Variants in INTS8 observed in about 807,000 individuals in gnomAD.
INTS8 encodes integrator complex subunit 8.
A neutral mutation model predicts 138.9 loss-of-function variants in INTS8; 47 were observed. The ratio of observed to expected loss-of-function variants is 0.34; its 90% CI spans 0.27 to 0.43. The LOEUF (loss-of-function observed/expected upper bound fraction) is 0.43. INTS8 is among the 20% of genes least tolerant of loss of function. The probability of loss-of-function intolerance (pLI) is 1.00; values close to 1 mark genes in which losing one functional copy is unlikely to be tolerated. For synonymous variants in INTS8, 392 were observed against 400.9 expected, an observed-to-expected ratio of 0.98 and a Z score of 0.27; for missense variants, 996 against 1,173.0, an observed-to-expected ratio of 0.85 and a Z score of 2.20.
intron 2 of INTS8, among the ~76,000 whole-genome samples, chr8:94,826,584 CTAAGTT>C (rs1276261132): frequency 6.6e-6 from 1 of 152,070 alleles, no homozygotes; most frequent in Non-Finnish European, 1.5e-5. Flanking sequence ...GTAAGCAAGT[CTAAGTT>C]TTTTAGATGT....
chr8:94,860,899 C>CA (rs1247675693), intron 16 of INTS8, among the ~76,000 whole-genome samples: 3 of 150,688 alleles, frequency 2.0e-5, no homozygotes, highest in South Asian at 2.1e-4. Context: ...ACTAAAAATA[C>CA]AAAAAAAATT....
rs749983516 is a variant in INTS8 at position 94,832,135 on chromosome 8, T to C, written c.714T>C (p.Thr238=). 4 of 1,613,154 alleles carry C rather than the reference T, an allele frequency of 2.5e-6. No individual in the cohort carries two copies. Among genetic ancestry groups the C allele is most frequent in the South Asian group, 2.2e-5 (2 of 90,786 alleles). Reference sequence around the variant, plus strand: ...TAAATGGAGAAACTGAGAGTTCTACTGCTGGATTGAAAGTCAAAACCGAAG... The same window carrying C: ...TAAATGGAGAAACTGAGAGTTCTACCGCTGGATTGAAAGTCAAAACCGAAG... ...GMVNGETESS[T]AGLKVKTEEM... The change falls in exon 6 of 27, where the codon ACT becomes ACC. Residue 238 remains threonine (T), a synonymous_variant. Coordinates refer to ENST00000523731, the MANE Select transcript of INTS8 (RefSeq NM_017864.4).
intron 2 of INTS8, among the ~76,000 whole-genome samples, chr8:94,826,476 T>G (rs964467640): frequency 6.6e-6 from 1 of 152,130 alleles, no homozygotes; most frequent in Non-Finnish European, 1.5e-5. Flanking sequence ...AAGCTATACG[T>G]TATAGACTGA....
chr8:94,837,357 T>C (rs1224445514), intron 7 of INTS8, among the ~76,000 whole-genome samples: 1 of 152,184 alleles, frequency 6.6e-6, no homozygotes, highest in Non-Finnish European at 1.5e-5. Flanking sequence ...GGTTTTTATA[T>C]GGCTGGTGCC....
intron 22 of INTS8, 42 bp downstream of exon 22, chr8:94,873,519 T>A (rs765594602): frequency 1.6e-6 from 2 of 1,264,508 alleles, no homozygotes; most frequent in Non-Finnish European, 2.3e-6. Context: ...TGCCTACCTG[T>A]ATATGTTCTT....
At chr8:94,830,518 G>T (rs977285884) in intron 5 of INTS8, among the ~76,000 whole-genome samples, 2 of 151,980 alleles carry the variant, frequency 1.3e-5, no homozygotes, top group Non-Finnish European at 2.9e-5. Context: ...TTCTTTTTTA[G>T]ACAGGGTCTG....
rs1341459305 is a variant in INTS8, at chr8:94,880,101, CT to C, written c.2872-13del. 2.5e-5 allele frequency: 39 copies of C among 1,571,244 alleles called. No homozygotes were observed. In the African/African-American group the frequency reaches 5.1e-4, roughly 20 times the overall value. ...TTTTGACACACCTCTAATAACATCA[CT>C]TTTCTGTTTTGGAAGATCAAAGCCA... is the stretch of plus-strand genomic sequence containing the variant. On this transcript the variant is annotated splice_polypyrimidine_tract_variant and intron_variant, in intron 26 of 26. Coordinates refer to ENST00000523731, the MANE Select transcript of INTS8 (RefSeq NM_017864.4).
At chr8:94,848,664 ATACT>A (rs904218668) in intron 10 of INTS8, among the ~76,000 whole-genome samples, 2 of 152,174 alleles carry the variant, frequency 1.3e-5, no homozygotes, top group African/African-American at 4.8e-5. Flanking sequence ...TGGCTGAATA[ATACT>A]TAATTGAATG....
chr8:94,881,190 C>G lies in INTS8; in HGVS notation c.*956C>G. On this transcript the variant is annotated 3_prime_UTR_variant, in exon 27 of 27. Coordinates refer to ENST00000523731, the MANE Select transcript of INTS8 (RefSeq NM_017864.4). ...TTTAATTTTCAAGAACCAAATTGCACTAGTCAAGAGTGTAGGAATTTTGAG... is the reference window on the plus strand; with the variant it reads ...TTTAATTTTCAAGAACCAAATTGCAGTAGTCAAGAGTGTAGGAATTTTGAG... 5.3e-6 allele frequency: 2 copies of G among 379,864 alleles called. No homozygotes were observed. Among genetic ancestry groups the G allele is most frequent in the Non-Finnish European group, 9.3e-6 (2 of 214,820 alleles). The allele number at this position is 379,864 out of a possible 1,614,324, so 23.5% of individuals were successfully genotyped here. A position where few individuals can be genotyped will look rare whatever the true frequency, so the allele number is the denominator to read the frequency against.
chr8:94,843,395 G>A (rs920828441), intron 10 of INTS8, among the ~76,000 whole-genome samples: 7 of 152,050 alleles, frequency 4.6e-5, no homozygotes, highest in South Asian at 4.1e-4. Flanking sequence ...GTGAAACTCC[G>A]TCTCTACTAA....
intron 6 of INTS8, among the ~76,000 whole-genome samples, chr8:94,833,225 A>G (rs936699378): frequency 6.6e-6 from 1 of 152,118 alleles, no homozygotes; most frequent in Admixed American, 6.5e-5. Flanking sequence ...AAGGGGTAAA[A>G]ATAGTTATGA....
chr8:94,859,566 G>C lies in INTS8; in HGVS notation c.2010G>C (p.Trp670Cys). 1.2e-6 allele frequency: 2 copies of C among 1,612,552 alleles called. No homozygotes were observed. Among genetic ancestry groups the C allele is most frequent in the South Asian group, 1.1e-5 (1 of 91,068 alleles). Residue 670 changes from tryptophan to cysteine, a missense_variant, in exon 16 of 27, where the codon TGG (tryptophan) becomes TGC (cysteine). Trp to Cys is a radical substitution (Grantham distance 215). Transcript: ENST00000523731. ...AATGTGTTGCCTTTATGTTAAACTG[G>C]AGAGAAAATGAATACCTTACACTCC... ...AEECVAFMLN[W>C]RENEYLTLQV...
chr8:94,825,131 A>G (rs1238536075), intron 2 of INTS8, 64 bp downstream of exon 2: 1 of 1,146,360 alleles, frequency 8.7e-7, no homozygotes, highest in African/African-American at 1.6e-5. Context: ...TTATTTCTAT[A>G]TATGCTTTTA....
rs1045478669 is a variant in INTS8 at position 94,850,072 on chromosome 8, T to G, written c.1488T>G (p.Thr496=). 3 of 1,600,922 alleles carry G rather than the reference T, an allele frequency of 1.9e-6. No homozygotes were observed. The highest frequency in any genetic ancestry group is 2.6e-6 in the Non-Finnish European group (3 of 1,173,948). ...TAAATCTGTGCATTAAACCTGTAAC[T>G]TCATTTTATGATATCCCAGGTTAGC... ...PRVNLCIKPV[T]SFYDIPASAS... Residue 496 remains threonine (T), a synonymous_variant, in exon 12 of 27, where the codon ACT becomes ACG. Transcript: ENST00000523731.
chr8:94,865,374 C>A, intron 16 of INTS8, 132 bp from the exon 17 acceptor site: 1 of 678,108 alleles, frequency 1.5e-6, no homozygotes, highest in African/African-American at 1.8e-5. Context: ...GTACAGAATG[C>A]ACAGCATAAA....
chr8:94,861,242 C>G (rs1815960345), intron 16 of INTS8, among the ~76,000 whole-genome samples: 1 of 132,316 alleles, frequency 7.6e-6, no homozygotes, highest in Non-Finnish European at 1.6e-5. Context: ...TTCAGTTTTT[C>G]CCCCCTTTTT....
chr8:94,829,062 G>A (rs1284374298), intron 5 of INTS8, 36 bp downstream of exon 5: 7 of 1,489,792 alleles, frequency 4.7e-6, no homozygotes, highest in Non-Finnish European at 6.5e-6. Flanking sequence ...TAACACTTCA[G>A]GAACAACTTT....
intron 16 of INTS8, among the ~76,000 whole-genome samples, chr8:94,863,386 A>G (rs1269836658): frequency 6.6e-6 from 1 of 152,182 alleles, no homozygotes; most frequent in Non-Finnish European, 1.5e-5. Context: ...TGTCCTTTCC[A>G]GCTTTGCGTG....
rs1291230443 is a variant in INTS8 at position 94,850,346 on chromosome 8, C to T, written c.1507+255C>T. On this transcript the variant is annotated intron_variant, in intron 12 of 26. Transcript: ENST00000523731. ...AGCTGGGGAAGGCTGGGCGTGGTGG[C>T]TCACGCCTGTAATCCCAGCACTTTG... is the stretch of plus-strand genomic sequence containing the variant. Among the ~76,000 whole-genome samples, 3 of 152,334 alleles carry T rather than the reference C, an allele frequency of 2.0e-5. No individual in the cohort carries two copies. In the East Asian group the frequency reaches 5.8e-4, roughly 29 times the overall value.
Sources: allele counts gnomAD v4.1 joint callset (sites outside exome capture counted in the v4.1 genomes callset), GRCh38; gene constraint gnomAD v4.1.1; transcripts MANE v1.5; gene names NCBI Gene and HGNC (gene_info 2026-07-23, HGNC 2026-07-21).